YBX3: variants seen among roughly 807,000 people sequenced by gnomAD.
YBX3 encodes the protein Y-box binding protein 3, also known as Y-box-binding protein 3.
A neutral mutation model predicts 42.4 loss-of-function variants in YBX3; 29 were observed. That is an observed-to-expected ratio of 0.68 (90% CI 0.51 to 0.93). The LOEUF (loss-of-function observed/expected upper bound fraction) is 0.93. YBX3 is among the 40% of genes least tolerant of loss of function. The pLI, the probability that YBX3 is intolerant of heterozygous loss-of-function variation, is 0.00. For missense variants in YBX3, 517 were observed against 527.5 expected (o/e 0.98, Z 0.19); for synonymous variants, 195 against 189.8 (o/e 1.03, Z -0.22).
intron 9 of YBX3, among the ~76,000 whole-genome samples, chr12:10,700,503 T>A (rs1948066524): frequency 1.3e-5 from 2 of 152,178 alleles, no homozygotes; most frequent in Admixed American, 1.3e-4. Context: ...AGTTGATCTT[T>A]CTGGCTATAA....
chr12:10,703,624 A>G, intron 7 of YBX3: 2 of 409,798 alleles, frequency 4.9e-6, no homozygotes, highest in East Asian at 7.9e-5. Context: ...AATGAACTGT[A>G]GAGTAGGAAG....
chr12:10,713,269 G>A lies in YBX3; in HGVS notation c.515C>T (p.Ala172Val). The A allele has an allele frequency of 6.8e-6, 11 of 1,614,054 alleles. No individual in the cohort carries two copies. The highest frequency in any genetic ancestry group is 1.7e-5 in the Admixed American group (1 of 60,024). Residue 172 changes from alanine (A) to valine (V), a missense_variant, in exon 5 of 10, where the codon GCA (alanine) becomes GTA (valine). By Grantham distance (64) the Ala-to-Val change is moderately conservative. Around this residue, in one of 3 missense-constraint regions of YBX3, gnomAD observed 420 missense variants for 408.5 expected, o/e 1.03. Transcript: ENST00000228251. ...GVPVEGSRYA[A>V]DRRRYRRGYY... ...GCCACGTCTGTAACGGCGCCGATCT[G>A]CAGCGTAACGACTCCCTTCCACAGG... is the stretch of plus-strand genomic sequence containing the variant.
intron 1 of YBX3, chr12:10,720,728 C>G (rs1181387511): frequency 6.6e-6 from 1 of 152,122 alleles, no homozygotes; most frequent in East Asian, 1.9e-4. Flanking sequence ...AAGGAATAAT[C>G]TTGATTAAAA....
At chr12:10,718,986 A>C in intron 2 of YBX3, 94 bp downstream of exon 2, 2 of 1,159,502 alleles carry the variant, frequency 1.7e-6, no homozygotes, top group Non-Finnish European at 2.5e-6. Context: ...TAAAAAATTT[A>C]TATAAGCCAT....
chr12:10,713,626 T>C (rs991316006), intron 4 of YBX3, among the ~76,000 whole-genome samples: 5 of 152,218 alleles, frequency 3.3e-5, no homozygotes, highest in African/African-American at 7.2e-5. Context: ...AATATACAAC[T>C]GTCAAAGTAG....
Position 10,723,095 on chromosome 12 carries a change from T to C in YBX3, c.17A>G (p.Glu6Gly). ...GGTGGTGGTGGTGGTGGTGGTGGCC[T>C]CGCCCGCCTCACTCATGCCTCCTCC... MSEAG[E>G]ATTTTTTTLP... Residue 6 changes from glutamate (E) to glycine (G), a missense_variant, in exon 1 of 10, where the codon GAG becomes GGG. Physicochemically the swap from Glu to Gly is moderately conservative, Grantham distance 98. Coordinates refer to ENST00000228251, the MANE Select transcript of YBX3 (RefSeq NM_003651.5). 8.3e-7 allele frequency: 1 copy of C among 1,205,278 alleles called. No individual in the cohort carries two copies. The highest frequency in any genetic ancestry group is 1.0e-6 in the Non-Finnish European group (1 of 972,308). 74.7% of individuals were successfully genotyped at this position (1,205,278 alleles called of 1,614,324 possible).
intron 5 of YBX3, chr12:10,710,911 CTAATA>C (rs1320704324): frequency 1.2e-5 from 2 of 161,300 alleles, no homozygotes; most frequent in Admixed American, 6.4e-5. Context: ...ATTTTACTTT[CTAATA>C]TAATATTAAT....
chr12:10,709,540 T>G (rs1454144689), intron 6 of YBX3, among the ~76,000 whole-genome samples: 1 of 152,220 alleles, frequency 6.6e-6, no homozygotes, highest in South Asian at 2.1e-4. Context: ...AATCTAAAAC[T>G]TGGTTTTCTC....
At chr12:10,722,233 T>G (rs554564322) in intron 1 of YBX3, 1 of 152,370 alleles carries the variant, frequency 6.6e-6, no homozygotes, top group South Asian at 2.1e-4. Context: ...CCGGAGACGA[T>G]TGCAACATCT....
At chr12:10,707,644 AAT>A (rs1245299746) in intron 6 of YBX3, among the ~76,000 whole-genome samples, 1 of 152,174 alleles carries the variant, frequency 6.6e-6, no homozygotes, top group Non-Finnish European at 1.5e-5. Flanking sequence ...TAATCTCTTC[AAT>A]GTTTCTTTTC....
chr12:10,701,143 T>G, intron 9 of YBX3, 111 bp downstream of exon 9: 1 of 636,928 alleles, frequency 1.6e-6, no homozygotes, highest in Non-Finnish European at 2.8e-6. Context: ...AGACAAGGGG[T>G]TGGCACAGAT....
chr12:10,709,633 T>C (rs559178960), intron 6 of YBX3, among the ~76,000 whole-genome samples: 11 of 152,352 alleles, frequency 7.2e-5, no homozygotes, highest in African/African-American at 2.4e-4. Context: ...TCCACCTGTC[T>C]TGTTACCTTA....
At chr12:10,701,182 G>A (rs1198421570) in intron 9 of YBX3, 72 bp downstream of exon 9, 133 of 734,064 alleles carry the variant, frequency 1.8e-4, no homozygotes, top group Non-Finnish European at 8.0e-5. Context: ...AGACTAATTT[G>A]TACTCTTGTT....
At chr12:10,712,955 GCACC>G in intron 5 of YBX3, 3 of 438,680 alleles carry the variant, frequency 6.8e-6, no homozygotes, top group South Asian at 3.8e-5. Flanking sequence ...AGTGATGGGT[GCACC>G]AAAATCTCAG....
chr12:10,709,291 T>C (rs1265470314), intron 6 of YBX3, among the ~76,000 whole-genome samples: 1 of 152,202 alleles, frequency 6.6e-6, no homozygotes, highest in Admixed American at 6.5e-5. Context: ...GTAAGGTTTA[T>C]TAAGCACAAA....
intron 9 of YBX3, among the ~76,000 whole-genome samples, chr12:10,700,819 G>A (rs1436731603): frequency 2.6e-5 from 4 of 151,096 alleles, no homozygotes; most frequent in East Asian, 1.9e-4. Flanking sequence ...ATGCTGCACC[G>A]CCTCAAAATA....
rs545653614 is a variant in YBX3 at position 10,722,897 on chromosome 12, G to A, written c.215C>T (p.Ser72Phe). Residue 72 changes from serine (S) to phenylalanine (F), a missense_variant, in exon 1 of 10, where the codon TCT (serine) becomes TTT (phenylalanine). Transcript: ENST00000228251. ...TTCGCTGCCGGCGGCGGTGGCTAAAGAGGCGGCGGCCGCGGTGCCCGTGGC... is the reference window on the plus strand; with the variant it reads ...TTCGCTGCCGGCGGCGGTGGCTAAAAAGGCGGCGGCCGCGGTGCCCGTGGC... ...PAATGTAAAA[S>F]LATAAGSEDA... 6.8e-7 allele frequency: 1 copy of A among 1,460,568 alleles called. No individual in the cohort carries two copies. Among genetic ancestry groups the A allele is most frequent in the Non-Finnish European group, 9.0e-7 (1 of 1,106,548 alleles). The allele number at this position is 1,460,568 out of a possible 1,614,324, so 90.5% of individuals were successfully genotyped here.
chr12:10,713,341 G>A lies in YBX3; in HGVS notation c.451-8C>T. 1 of 1,608,090 alleles carries A rather than the reference G, an allele frequency of 6.2e-7. No homozygotes were observed. The highest frequency in any genetic ancestry group is 8.5e-7 in the Non-Finnish European group (1 of 1,178,702). On this transcript the variant is annotated splice_polypyrimidine_tract_variant and splice_region_variant and intron_variant, in intron 4 of 9. Coordinates refer to ENST00000228251, the MANE Select transcript of YBX3 (RefSeq NM_003651.5). ...ATTGGCAGCTTCTGCACCCTGAGAA[G>A]AAAATAAAAAGATGGCCTCAAAATT...
chr12:10,718,238 T>C, intron 2 of YBX3, 117 bp from the exon 3 acceptor site: 2 of 882,236 alleles, frequency 2.3e-6, no homozygotes. Context: ...ATATTTTCAC[T>C]TATTTTCTAC....
Sources: allele counts gnomAD v4.1 joint callset (sites outside exome capture counted in the v4.1 genomes callset), GRCh38; gene constraint gnomAD v4.1.1; regional missense constraint gnomAD v4.1.1; transcripts MANE v1.5; gene names NCBI Gene and HGNC (gene_info 2026-07-23, HGNC 2026-07-21).